The following WDR44 variants were observed in gnomAD, a reference collection of about 807,000 sequenced individuals.
WDR44 encodes WD repeat domain 44.
A neutral mutation model predicts 65.7 loss-of-function variants in WDR44; 9 were observed. The observed-to-expected ratio is 0.14, with a 90% confidence interval of 0.08 to 0.24. WDR44 has a LOEUF of 0.24. Ranked by LOEUF, WDR44 falls within the 10% of genes least tolerant of loss-of-function variation. The pLI is 1.00. For synonymous variants in WDR44, 220 were observed against 235.2 expected, an observed-to-expected ratio of 0.94 and a Z score of 0.59; for missense variants, 425 against 670.9, an observed-to-expected ratio of 0.63 and a Z score of 4.05.
chrX:118,440,160 T>C (rs1312140681), intron 14 of WDR44, among the ~76,000 whole-genome samples: 3 of 109,197 alleles, frequency 2.7e-5, no homozygotes, highest in African/African-American at 1.0e-4. Flanking sequence ...AAAATTCTTA[T>C]GTTGCCAAAA....
At chrX:118,395,640 A>C (rs771365539) in intron 6 of WDR44, among the ~76,000 whole-genome samples, 1 of 112,168 alleles carries the variant, frequency 8.9e-6, no homozygotes, top group African/African-American at 3.2e-5. Flanking sequence ...AGCATCTCTG[A>C]CTTAAACTTG....
intron 18 of WDR44, 79 bp from the exon 19 acceptor site, chrX:118,444,280 TA>T: frequency 9.6e-7 from 1 of 1,046,221 alleles, no homozygotes; most frequent in Admixed American, 2.8e-5. Context: ...TTTTTAAGGA[TA>T]TTTGGCATAT....
Position 118,402,458 on chromosome X carries a change from A to AAAAG in WDR44, c.1275-1879_1275-1878insAAGA, listed in dbSNP as rs547508565. 3.5e-3 allele frequency among the ~76,000 whole-genome samples: 297 copies of AAAAG among 85,309 alleles called. 11 individuals carry two copies. The highest frequency in any genetic ancestry group is 0.013 in the African/African-American group (222 of 17,647). 74.1% of individuals were successfully genotyped at this position (85,309 alleles called of 115,157 possible). A position where few individuals can be genotyped will look rare whatever the true frequency, so the allele number is the denominator to read the frequency against. Reference sequence around the variant, plus strand: ...CTCAAAAAAAAAAAAAAAAAAAAAAAACATTCAGGATGGGTGCAATGGCTC... The same window carrying AAAAG: ...CTCAAAAAAAAAAAAAAAAAAAAAAAAAAGACATTCAGGATGGGTGCAATGGCTC... On this transcript the variant is annotated intron_variant, in intron 8 of 19. Coordinates refer to ENST00000254029, the MANE Select transcript of WDR44 (RefSeq NM_019045.5).
At chrX:118,424,829 G>T (rs1189246064) in intron 12 of WDR44, among the ~76,000 whole-genome samples, 1 of 111,524 alleles carries the variant, frequency 9.0e-6, no homozygotes, top group Non-Finnish European at 1.9e-5. Context: ...GAGTTTTACA[G>T]CTTCAGGCCT....
chrX:118,369,635 A>T (rs1019042568), intron 1 of WDR44, among the ~76,000 whole-genome samples: 1 of 104,749 alleles, frequency 9.5e-6, no homozygotes, highest in Non-Finnish European at 1.9e-5. Context: ...CGCCTGACTA[A>T]TTTTTTGTAT....
chrX:118,388,805 G>A (rs1329282437), intron 3 of WDR44, among the ~76,000 whole-genome samples: 1 of 111,492 alleles, frequency 9.0e-6, no homozygotes, highest in Non-Finnish European at 1.9e-5. Context: ...CTGCCTAATT[G>A]TAGTGTAGGT....
rs1309740864 is a variant in WDR44 at position 118,444,386 on chromosome X, A to G, written c.2539A>G (p.Ile847Val). Residue 847 changes from isoleucine (I) to valine (V), a missense_variant, in exon 19 of 20, where the codon ATC becomes GTC. Coordinates refer to ENST00000254029, the MANE Select transcript of WDR44 (RefSeq NM_019045.5). ...CCACAATGCAGTTGTTACATCAGCC[A>G]TCTTTGCACCAAACCCAAGTTTGAT... ...KAHNAVVTSA[I>V]FAPNPSLMLS... 2 of 1,210,819 alleles carry G rather than the reference A, an allele frequency of 1.7e-6. No homozygotes were observed. The highest frequency in any genetic ancestry group is 1.8e-5 in the South Asian group (1 of 56,813).
chrX:118,418,481 C>T (rs1249282164), intron 12 of WDR44, among the ~76,000 whole-genome samples: 3 of 111,245 alleles, frequency 2.7e-5, no homozygotes, highest in Admixed American at 1.9e-4. Flanking sequence ...AGCAAGTCTA[C>T]CCAGCTCTGA....
chrX:118,436,628 A>G, intron 13 of WDR44, 74 bp from the exon 14 acceptor site: 1 of 1,120,099 alleles, frequency 8.9e-7, no homozygotes, highest in Non-Finnish European at 1.2e-6. Flanking sequence ...CAAAAACCAA[A>G]AGTTCACTTT....
upstream of WDR44, chrX:118,346,078 C>A: frequency 3.3e-6 from 1 of 298,674 alleles, no homozygotes; most frequent in East Asian, 4.8e-5. Flanking sequence ...ACCGCCCCTC[C>A]GAAATCTCGC....
chrX:118,371,909 A>G (rs1337058783), intron 1 of WDR44, among the ~76,000 whole-genome samples: 1 of 110,981 alleles, frequency 9.0e-6, no homozygotes, highest in Non-Finnish European at 1.9e-5. Context: ...AATTACCTTA[A>G]TATGTAAAAA....
In WDR44 at chrX:118,346,470, C is replaced by T. The variant is rs776899914; in HGVS notation, c.-34C>T. 2.5e-6 allele frequency: 3 copies of T among 1,183,929 alleles called. No individual in the cohort carries two copies. In the East Asian group the frequency reaches 9.0e-5, roughly 36 times the overall value. ...CAAGAGTCACCCTTCCTCCAGGCGG[C>T]GCCGGCCCCCTCACCCGCGGGTGTG... On this transcript the variant is annotated 5_prime_UTR_variant, in exon 1 of 20. Coordinates refer to ENST00000254029, the MANE Select transcript of WDR44 (RefSeq NM_019045.5).
chrX:118,427,295 G>C (rs1476703850), intron 12 of WDR44, among the ~76,000 whole-genome samples: 3 of 103,801 alleles, frequency 2.9e-5, no homozygotes, highest in African/African-American at 1.1e-4. Context: ...TTTGGGGACG[G>C]AGTCTTGCTC....
In WDR44 at chrX:118,408,900, C is replaced by T. The variant is rs776020321; in HGVS notation, c.1534-589C>T. 6.3e-5 allele frequency among the ~76,000 whole-genome samples: 7 copies of T among 111,486 alleles called. No homozygotes were observed. In the South Asian group the frequency reaches 2.6e-3, roughly 42 times the overall value. ...AAGATTTCTGACCACTTTAGAACTC[C>T]CATTTCTGTTAATATGTGGACAGGG... On this transcript the variant is annotated intron_variant, in intron 10 of 19. Transcript: ENST00000254029.
At chrX:118,405,127 C>T (rs1481872035) in intron 9 of WDR44, among the ~76,000 whole-genome samples, 3 of 111,195 alleles carry the variant, frequency 2.7e-5, no homozygotes, top group Non-Finnish European at 3.8e-5. Flanking sequence ...CCTCCGTCTC[C>T]TGGGTTCAAG....
In WDR44 at chrX:118,391,145, A is replaced by G. The variant is rs140809963; in HGVS notation, c.187-1487A>G. Among the ~76,000 whole-genome samples the G allele has an allele frequency of 8.6e-3, 962 of 112,208 alleles. 6 individuals carry two copies. Among genetic ancestry groups the G allele is most frequent in the African/African-American group, 0.028 (855 of 30,931 alleles). ...TAGTTCCTTCCCTTCAGGTTATAAA[A>G]GTGCTGGGTCACTTTATCGAAGTCT... is the stretch of plus-strand genomic sequence containing the variant. On this transcript the variant is annotated intron_variant, in intron 3 of 19. Coordinates refer to ENST00000254029, the MANE Select transcript of WDR44 (RefSeq NM_019045.5).
chrX:118,352,351 T>TATATATATATATATATATATA (rs2056420246), intron 1 of WDR44, among the ~76,000 whole-genome samples: 2 of 22,259 alleles, frequency 9.0e-5, no homozygotes, highest in Non-Finnish European at 1.3e-4. Flanking sequence ...TATATATATA[T>TATATATATATATATATATATA]ATTTTTTTTT....
chrX:118,377,906 T>C (rs1238005752), intron 1 of WDR44, among the ~76,000 whole-genome samples: 3 of 109,649 alleles, frequency 2.7e-5, no homozygotes, highest in Non-Finnish European at 3.8e-5. Flanking sequence ...TTTTAAATTA[T>C]TTGTAGAGAC....
chrX:118,442,354 G>C lies in WDR44; in HGVS notation c.2268+9G>C, dbSNP rs769662034. The stretch of plus-strand genomic sequence containing the variant: ...TACCTGGAGAAAATAAGGTACTACA[G>C]TATTCAAAACCATCTCTCTCCATAC... On this transcript the variant is annotated intron_variant, in intron 16 of 19. Coordinates refer to ENST00000254029, the MANE Select transcript of WDR44 (RefSeq NM_019045.5). 34 of 1,166,881 alleles carry C rather than the reference G, an allele frequency of 2.9e-5. No individual in the cohort carries two copies. The highest frequency in any genetic ancestry group is 3.9e-5 in the Non-Finnish European group (33 of 855,776).
Sources: gnomAD v4.1 joint callset for allele counts (sites outside exome capture counted in the v4.1 genomes callset) on GRCh38, gnomAD v4.1.1 for gene constraint, MANE v1.5 for transcripts, NCBI Gene and HGNC (gene_info 2026-07-23, HGNC 2026-07-21) for gene names.